Variants in SUCO observed in about 807,000 individuals in gnomAD.
The protein encoded by SUCO is SUN domain-containing ossification factor.
SUCO carries 57 observed loss-of-function variants against 148.1 expected under a neutral mutation model. The ratio of observed to expected loss-of-function variants is 0.38; its 90% CI spans 0.31 to 0.48. The LOEUF is 0.48. Ranked by LOEUF, SUCO falls within the 20% of genes least tolerant of loss-of-function variation. The pLI, the probability that SUCO is intolerant of heterozygous loss-of-function variation, is 0.96. For synonymous variants in SUCO, 470 were observed against 502.7 expected (o/e 0.93, Z 0.87); for missense variants, 1,331 against 1,468.2 (o/e 0.91, Z 1.53).
intron 19 of SUCO, 104 bp from the exon 20 acceptor site, chr1:172,599,960 G>C: frequency 1.3e-6 from 1 of 766,490 alleles, no homozygotes; most frequent in Non-Finnish European, 2.0e-6. Flanking sequence ...TAATACATTT[G>C]TTTTGGAATA....
chr1:172,543,061 T>G, intron 1 of SUCO: 1 of 954,624 alleles, frequency 1.0e-6, no homozygotes, highest in Non-Finnish European at 1.2e-6. Context: ...AGTTAACATG[T>G]AGAGTAGCTT....
At chr1:172,583,844 A>C (rs1232136881) in intron 15 of SUCO, among the ~76,000 whole-genome samples, 5 of 152,152 alleles carry the variant, frequency 3.3e-5, no homozygotes, top group Admixed American at 1.3e-4. Context: ...AAGGTCTTCT[A>C]TTCCCAGTAC....
rs1242029297 is a variant in SUCO at position 172,591,446 on chromosome 1, C to A, written c.2913+375C>A. The stretch of plus-strand genomic sequence containing the variant: ...CCTCCCCCCTCCCCCCACCCCACAA[C>A]AGGCCCTGGTGTGTGATGTTCCCCA... On this transcript the variant is annotated intron_variant, in intron 19 of 23. Transcript: ENST00000263688. Among the ~76,000 whole-genome samples, 4 of 111,366 alleles carry A rather than the reference C, an allele frequency of 3.6e-5. No individual in the cohort carries two copies. The East Asian group carries it at 1.3e-3, about 36-fold the overall frequency. The allele number at this position is 111,366 out of a possible 152,430, so 73.1% of individuals were successfully genotyped here.
chr1:172,580,117 A>G (rs767081663), intron 15 of SUCO, among the ~76,000 whole-genome samples: 5 of 152,142 alleles, frequency 3.3e-5, no homozygotes, highest in Non-Finnish European at 5.9e-5. Flanking sequence ...GCCACAGTAT[A>G]TAGAGTTAAA....
intron 14 of SUCO, chr1:172,578,692 A>T (rs886722956): frequency 3.8e-6 from 1 of 264,344 alleles, no homozygotes; most frequent in African/African-American, 2.3e-5. Context: ...TAAACTCACA[A>T]GATACTGAAA....
intron 1 of SUCO, among the ~76,000 whole-genome samples, chr1:172,550,065 A>G (rs933112997): frequency 1.3e-5 from 2 of 151,864 alleles, no homozygotes; most frequent in Non-Finnish European, 2.9e-5. Context: ...GTTTACAGCT[A>G]TCTTCCTGGG....
intron 7 of SUCO, 38 bp downstream of exon 7, chr1:172,569,180 A>G: frequency 6.9e-7 from 1 of 1,457,458 alleles, no homozygotes; most frequent in Non-Finnish European, 9.3e-7. Flanking sequence ...TTTTTTTTTA[A>G]GTATATGGTG....
intron 1 of SUCO, chr1:172,541,894 TTGTTTGTTTTC>T: frequency 2.1e-6 from 2 of 956,332 alleles, no homozygotes; most frequent in Non-Finnish European, 2.5e-6. Context: ...TAAGCATTTT[TTGTTTGTTTTC>T]TGTTTGTTTG....
chr1:172,582,510 T>G (rs966713521), intron 15 of SUCO, among the ~76,000 whole-genome samples: 3 of 152,106 alleles, frequency 2.0e-5, no homozygotes, highest in African/African-American at 7.2e-5. Context: ...GCGGGATGAA[T>G]AAGTTGCCCA....
chr1:172,578,357 C>T lies in SUCO; in HGVS notation c.1400C>T (p.Ser467Leu), dbSNP rs1655613952. The change falls in exon 14 of 24, where the codon TCA becomes TTA. Residue 467 changes from serine to leucine, a missense_variant. By Grantham distance (145) the Ser-to-Leu change is moderately radical. Transcript: ENST00000263688. Reference sequence around the variant, plus strand: ...GAAATTGCTGATTCCCAGTATCACTCAGAACGCCAGGAACTATTTGATGAG... The same window carrying T: ...GAAATTGCTGATTCCCAGTATCACTTAGAACGCCAGGAACTATTTGATGAG... ...YEEIADSQYH[S>L]ERQELFDEDY... The T allele has an allele frequency of 6.2e-6, 10 of 1,612,420 alleles. No homozygotes were observed. Among genetic ancestry groups the T allele is most frequent in the Non-Finnish European group, 6.8e-6 (8 of 1,178,776 alleles).
chr1:172,558,682 T>G (rs2149235271), intron 6 of SUCO, among the ~76,000 whole-genome samples: 1 of 152,334 alleles, frequency 6.6e-6, no homozygotes, highest in East Asian at 1.9e-4. Flanking sequence ...GATTTCATAG[T>G]CTAACATCTT....
At chr1:172,532,698 A>G (rs1234100571), upstream of SUCO, 2 of 1,613,854 alleles carry the variant, frequency 1.2e-6, no homozygotes, top group African/African-American at 1.3e-5. Flanking sequence ...TAACAAAACC[A>G]TGGATTCTAG....
chr1:172,532,949 C>T (rs1162033226), upstream of SUCO: 3 of 1,366,890 alleles, frequency 2.2e-6, no homozygotes, highest in Admixed American at 5.7e-5. Flanking sequence ...GCTTCTCCGC[C>T]TGCGACGTCG....
chr1:172,535,389 G>A (rs940981505), intron 1 of SUCO, among the ~76,000 whole-genome samples: 2 of 152,182 alleles, frequency 1.3e-5, no homozygotes, highest in African/African-American at 4.8e-5. Context: ...ATTAAAATAG[G>A]ACATTAAGGC....
chr1:172,608,919 T>A, intron 23 of SUCO, 117 bp downstream of exon 23: 1 of 729,890 alleles, frequency 1.4e-6, no homozygotes, highest in Non-Finnish European at 2.3e-6. Flanking sequence ...ATGTTTATTT[T>A]CTATCATGAT....
At chr1:172,572,092 C>A (rs1323542471) in intron 9 of SUCO, among the ~76,000 whole-genome samples, 3 of 120,128 alleles carry the variant, frequency 2.5e-5, no homozygotes, top group Non-Finnish European at 3.7e-5. Flanking sequence ...GGTCAGCCCC[C>A]GCCTGGCAAG....
At position 172,548,675 on chromosome 1, in the gene SUCO, T is replaced by C. The variant is rs147319749; in HGVS notation, c.63-2837T>C. Among the ~76,000 whole-genome samples the C allele has an allele frequency of 3.9e-5, 6 of 152,156 alleles. No homozygotes were observed. The East Asian group carries it at 1.2e-3, about 29-fold the overall frequency. ...CTTCCAGGCTTGGGATATTGTTAGCTGTCTTTCTGTTATTTCAAATTTTGT... is the reference window on the plus strand; with the variant it reads ...CTTCCAGGCTTGGGATATTGTTAGCCGTCTTTCTGTTATTTCAAATTTTGT... On this transcript the variant is annotated intron_variant, in intron 1 of 23. Coordinates refer to ENST00000263688, the MANE Select transcript of SUCO (RefSeq NM_014283.5).
At chr1:172,545,839 A>G (rs1167433841) in intron 1 of SUCO, among the ~76,000 whole-genome samples, 1 of 152,316 alleles carries the variant, frequency 6.6e-6, no homozygotes, top group South Asian at 2.1e-4. Context: ...TCAATTTTAC[A>G]ATGTTGATAC....
intron 1 of SUCO, among the ~76,000 whole-genome samples, chr1:172,542,513 G>A (rs1652551101): frequency 6.6e-6 from 1 of 152,230 alleles, no homozygotes; most frequent in Non-Finnish European, 1.5e-5. Context: ...AACAGCAGGT[G>A]AGTGAGCATT....
Sources: gnomAD v4.1 joint callset for allele counts (sites outside exome capture counted in the v4.1 genomes callset) on GRCh38, gnomAD v4.1.1 for gene constraint, MANE v1.5 for transcripts, NCBI Gene and HGNC (gene_info 2026-07-23, HGNC 2026-07-21) for gene names.